Variants in RNF10 observed in about 807,000 individuals in gnomAD.
RNF10 encodes E3 ubiquitin-protein ligase RNF10.
A neutral mutation model predicts 91.4 loss-of-function variants in RNF10; 38 were observed. That is an observed-to-expected ratio of 0.42 (90% CI 0.32 to 0.54). RNF10 has a LOEUF of 0.54. RNF10 is among the 20% of genes least tolerant of loss of function. RNF10 has a pLI of 0.16. For synonymous variants in RNF10, 364 were observed against 366.3 expected (o/e 0.99, Z 0.07); for missense variants, 945 against 1,012.0 (o/e 0.93, Z 0.90).
At chr12:120,535,009 CT>C in intron 1 of RNF10, 41 bp downstream of exon 1, 22 of 1,543,862 alleles carry the variant, frequency 1.4e-5, no homozygotes, top group Non-Finnish European at 1.7e-5. Context: ...GCGACTGCCC[CT>C]GCTGCTGGGG....
intron 2 of RNF10, among the ~76,000 whole-genome samples, chr12:120,551,938 C>T (rs1386759227): frequency 6.6e-6 from 1 of 151,646 alleles, no homozygotes; most frequent in Non-Finnish European, 1.5e-5. Context: ...GGGGAGCCCT[C>T]AGGGAACTTA....
At chr12:120,535,120 T>C (rs908873206) in intron 1 of RNF10, 152 bp downstream of exon 1, 13 of 868,124 alleles carry the variant, frequency 1.5e-5, no homozygotes, top group Non-Finnish European at 1.7e-6. Flanking sequence ...TGCAGTTACA[T>C]TAATGAGCGC....
At chr12:120,542,101 C>T (rs1318333268) in intron 1 of RNF10, among the ~76,000 whole-genome samples, 3 of 151,920 alleles carry the variant, frequency 2.0e-5, no homozygotes, top group East Asian at 3.9e-4. Context: ...CTCCTGACCT[C>T]GTGATCCACC....
intron 3 of RNF10, among the ~76,000 whole-genome samples, chr12:120,553,249 A>C (rs1459312906): frequency 7.8e-6 from 1 of 127,520 alleles, no homozygotes; most frequent in East Asian, 2.3e-4. Flanking sequence ...ACCCCCGTCT[A>C]ATTTTTTTAT....
Position 120,546,446 on chromosome 12 carries a change from C to T in RNF10, c.199C>T (p.Arg67Cys), listed in dbSNP as rs1159225866. ...TGGATCCAAGCGTTATAATCGCAAACGTGAACTTTCCTACCCCAAAAATGA... is the reference window on the plus strand; with the variant it reads ...TGGATCCAAGCGTTATAATCGCAAATGTGAACTTTCCTACCCCAAAAATGA... ...SSGSKRYNRKRELSYPKNESF... is the reference protein window; with the variant it reads ...SSGSKRYNRKCELSYPKNESF... Residue 67 changes from arginine (R) to cysteine (C), a missense_variant, in exon 2 of 17, where the codon CGT becomes TGT. Arg to Cys is a radical substitution (Grantham distance 180, BLOSUM62 -3). Transcript: ENST00000325954. The T allele has an allele frequency of 1.5e-5, 24 of 1,613,968 alleles. No individual in the cohort carries two copies. Among genetic ancestry groups the T allele is most frequent in the South Asian group, 3.3e-5 (3 of 91,078 alleles).
intron 1 of RNF10, among the ~76,000 whole-genome samples, chr12:120,545,479 AC>A (rs1455790589): frequency 3.3e-5 from 5 of 151,250 alleles, no homozygotes; most frequent in African/African-American, 4.9e-5. Context: ...GGCATGAGCC[AC>A]CGCGCCTGGC....
intron 1 of RNF10, among the ~76,000 whole-genome samples, chr12:120,538,042 C>T (rs980608051): frequency 1.3e-5 from 2 of 152,112 alleles, no homozygotes; most frequent in African/African-American, 2.4e-5. Context: ...ACTCAAGCTC[C>T]GCATAATCCC....
intron 4 of RNF10, among the ~76,000 whole-genome samples, 193 bp from the exon 5 acceptor site, chr12:120,557,085 CAAAA>C (rs36018229): frequency 6.3e-5 from 7 of 111,360 alleles, no homozygotes; most frequent in African/African-American, 6.9e-5. Context: ...TGGACCGTCT[CAAAA>C]AAAAAAAAAA....
chr12:120,560,188 G>A (rs991966232), intron 6 of RNF10, among the ~76,000 whole-genome samples: 1 of 118,988 alleles, frequency 8.4e-6, no homozygotes, highest in Non-Finnish European at 1.7e-5. Flanking sequence ...TTTCGCTTTT[G>A]TTGCCCAAGC....
At chr12:120,551,461 GT>G (rs1374678392) in intron 2 of RNF10, among the ~76,000 whole-genome samples, 21 of 145,344 alleles carry the variant, frequency 1.4e-4, no homozygotes, top group Admixed American at 2.1e-4. Context: ...CACCCGGCTA[GT>G]TTTTTTTTTT....
At chr12:120,555,813 C>T (rs1873909884) in intron 4 of RNF10, among the ~76,000 whole-genome samples, 1 of 147,444 alleles carries the variant, frequency 6.8e-6, no homozygotes, top group African/African-American at 2.5e-5. Context: ...TTTTTTGAGA[C>T]AGTCTTGCTC....
intron 16 of RNF10, 74 bp from the exon 17 acceptor site, chr12:120,576,516 C>A: frequency 6.4e-7 from 1 of 1,553,688 alleles, no homozygotes. Context: ...CTCTGTGACT[C>A]TCAGTAATGA....
intron 13 of RNF10, among the ~76,000 whole-genome samples, chr12:120,568,986 TTTAGA>T (rs753360132): frequency 6.6e-6 from 1 of 151,868 alleles, no homozygotes; most frequent in Non-Finnish European, 1.5e-5. Flanking sequence ...TTTGTTTTGT[TTTAGA>T]TGGAGTTTCG....
intron 6 of RNF10, 57 bp downstream of exon 6, chr12:120,557,739 G>A: frequency 6.3e-7 from 1 of 1,580,776 alleles, no homozygotes; most frequent in Non-Finnish European, 8.7e-7. Flanking sequence ...TAAGGTGATT[G>A]AATATATCTA....
intron 6 of RNF10, among the ~76,000 whole-genome samples, chr12:120,559,019 A>T (rs1343802449): frequency 4.0e-5 from 6 of 149,358 alleles, no homozygotes; most frequent in African/African-American, 1.5e-4. Flanking sequence ...TCATTAAAAT[A>T]ATTAAAATTA....
rs137927490 is a variant in RNF10 at position 120,565,800 on chromosome 12, G to A, written c.1885+271G>A. Among the ~76,000 whole-genome samples, 276 of 152,304 alleles carry A rather than the reference G, an allele frequency of 1.8e-3. 2 individuals carry two copies. Among genetic ancestry groups the A allele is most frequent in the African/African-American group, 6.0e-3 (248 of 41,572 alleles). On this transcript the variant is annotated intron_variant, in intron 12 of 16. Transcript: ENST00000325954. ...TTCCAGAGATGGGAATTGGGGCTTC[G>A]CTAAGAATGCTGGGGGCCATCGTTC... is the stretch of plus-strand genomic sequence containing the variant.
intron 2 of RNF10, among the ~76,000 whole-genome samples, chr12:120,551,016 TGTG>T (rs908364759): frequency 4.0e-5 from 6 of 151,432 alleles, no homozygotes; most frequent in African/African-American, 1.5e-4. Context: ...GACAGGGTCT[TGTG>T]GTGTCGCCCA....
At chr12:120,571,043 A>G in intron 13 of RNF10, 148 bp from the exon 14 acceptor site, 1 of 604,416 alleles carries the variant, frequency 1.7e-6, no homozygotes, top group South Asian at 2.0e-5. Context: ...AACATGGAAG[A>G]GTTGAAAGTT....
chr12:120,555,490 C>CTT (rs775906667), intron 4 of RNF10, among the ~76,000 whole-genome samples: 26 of 120,588 alleles, frequency 2.2e-4, no homozygotes, highest in African/African-American at 5.3e-4. Context: ...CCCAGTTGTA[C>CTT]TTTTTTTTTT....
Sources: allele counts gnomAD v4.1 joint callset (sites outside exome capture counted in the v4.1 genomes callset), GRCh38; gene constraint gnomAD v4.1.1; transcripts MANE v1.5; gene names NCBI Gene and HGNC (gene_info 2026-07-23, HGNC 2026-07-21).